Variants in CYB5B observed in about 807,000 individuals in gnomAD.
CYB5B encodes the protein cytochrome b5 type B.
In CYB5B, 14 loss-of-function variants were observed where a neutral mutation model predicts 21.3. The ratio of observed to expected loss-of-function variants is 0.66; its 90% CI spans 0.43 to 1.03. The LOEUF is 1.03. Ranked by LOEUF, CYB5B falls within the 50% of genes least tolerant of loss-of-function variation. CYB5B has a pLI of 0.00. For missense variants in CYB5B, 166 were observed against 185.1 expected (o/e 0.90, Z 0.60); for synonymous variants, 69 against 68.4 (o/e 1.01, Z -0.04).
intron 3 of CYB5B, among the ~76,000 whole-genome samples, chr16:69,455,400 CTTTTTTT>C (rs67183796): frequency 1.6e-5 from 2 of 123,008 alleles, no homozygotes; most frequent in Non-Finnish European, 3.4e-5. Context: ...TTGTTGTTCT[CTTTTTTT>C]TTTTTTTTTT....
chr16:69,447,616 C>G (rs1191252352), intron 2 of CYB5B, among the ~76,000 whole-genome samples: 1 of 140,364 alleles, frequency 7.1e-6, no homozygotes, highest in Non-Finnish European at 1.5e-5. Context: ...GCACTCCAGC[C>G]TGGGTGAAAG....
chr16:69,457,075 TC>T (rs1181939640), intron 3 of CYB5B, among the ~76,000 whole-genome samples: 1 of 152,198 alleles, frequency 6.6e-6, no homozygotes, highest in Non-Finnish European at 1.5e-5. Context: ...GATGGATTGA[TC>T]TTAAAACAGG....
At position 69,448,112 on chromosome 16, in the gene CYB5B, CAG is replaced by C; in HGVS notation, c.304_305del. ...ATATTATTTGTTTTCCTTTTTTTGA[CAG>C]AGTGACCTTAAACCTGAAAGTGGTA... On this transcript the variant is annotated splice_acceptor_variant, in intron 2 of 4. Transcript: ENST00000307892. LOFTEE classifies it high-confidence loss of function. 1.2e-6 allele frequency: 2 copies of C among 1,608,778 alleles called. No homozygotes were observed. Among genetic ancestry groups the C allele is most frequent in the Non-Finnish European group, 8.5e-7 (1 of 1,178,862 alleles).
intron 1 of CYB5B, among the ~76,000 whole-genome samples, chr16:69,437,426 T>C (rs1231274836): frequency 6.6e-6 from 1 of 152,118 alleles, no homozygotes; most frequent in Non-Finnish European, 1.5e-5. Flanking sequence ...TAATAAAAAG[T>C]AGGGAGGAAT....
intron 2 of CYB5B, 119 bp downstream of exon 2, chr16:69,447,397 T>G: frequency 1.5e-6 from 2 of 1,336,212 alleles, no homozygotes; most frequent in Non-Finnish European, 2.0e-6. Flanking sequence ...ATCCCAGTAC[T>G]TTGGGATGCC....
chr16:69,447,259 A>G lies in CYB5B; in HGVS notation c.284A>G (p.Tyr95Cys), dbSNP rs771172165. The change falls in exon 2 of 5, where the codon TAC becomes TGC. Residue 95 changes from tyrosine to cysteine, a missense_variant. Physicochemically the swap from Tyr to Cys is radical, Grantham distance 194. Coordinates refer to ENST00000307892, the MANE Select transcript of CYB5B (RefSeq NM_030579.3). Reference protein sequence around the residue: ...SDAREMLKQYYIGDIHPSDLK... With the variant: ...SDAREMLKQYCIGDIHPSDLK... ...GCCAGAGAAATGCTAAAGCAGTACT[A>G]CATTGGTGATATCCATCCGGTAAGA... The G allele has an allele frequency of 3.1e-6, 5 of 1,613,996 alleles. No individual in the cohort carries two copies. The Admixed American group carries it at 6.7e-5, about 22-fold the overall frequency.
At chr16:69,431,029 TG>T (rs1319579508) in intron 1 of CYB5B, among the ~76,000 whole-genome samples, 1 of 144,362 alleles carries the variant, frequency 6.9e-6, no homozygotes, top group Non-Finnish European at 1.5e-5. Context: ...GATGGAGTCT[TG>T]TTTTGTCGCC....
At position 69,439,314 on chromosome 16, in the gene CYB5B, G is replaced by A. The variant is rs28670518; in HGVS notation, c.175-7836G>A. Among the ~76,000 whole-genome samples, 5 of 152,042 alleles carry A rather than the reference G, an allele frequency of 3.3e-5. No homozygotes were observed. In the South Asian group the frequency reaches 1.0e-3, roughly 32 times the overall value. ...CAACCTCCGCCTCCTGGGTTCAAGC[G>A]ATTCGACTGCCTCAGCCTCCCGAAT... On this transcript the variant is annotated intron_variant, in intron 1 of 4. Transcript: ENST00000307892.
intron 1 of CYB5B, among the ~76,000 whole-genome samples, chr16:69,435,367 T>C (rs2014750127): frequency 1.3e-5 from 2 of 152,226 alleles, no homozygotes; most frequent in African/African-American, 4.8e-5. Flanking sequence ...CTGCAGCATC[T>C]TTTGAGTACC....
chr16:69,441,507 G>A (rs942953033), intron 1 of CYB5B, among the ~76,000 whole-genome samples: 1 of 152,140 alleles, frequency 6.6e-6, no homozygotes, highest in Non-Finnish European at 1.5e-5. Flanking sequence ...TTAATTTGTA[G>A]TCAAGAGTCA....
At position 69,455,003 on chromosome 16, in the gene CYB5B, C is replaced by G. The variant is rs376318700; in HGVS notation, c.334-4090C>G. ...CCGCCTCTTGGGTTCAAGTGATTCT[C>G]CTGCCTCAGCCTCTCAAGTAGCTGG... is the stretch of plus-strand genomic sequence containing the variant. On this transcript the variant is annotated intron_variant, in intron 3 of 4. Coordinates refer to ENST00000307892, the MANE Select transcript of CYB5B (RefSeq NM_030579.3). Among the ~76,000 whole-genome samples, 502 of 152,154 alleles carry G rather than the reference C, an allele frequency of 3.3e-3. 24 individuals carry two copies. In the South Asian group the frequency reaches 0.098, roughly 30 times the overall value.
intron 3 of CYB5B, among the ~76,000 whole-genome samples, chr16:69,458,634 A>G (rs1483161290): frequency 6.6e-6 from 1 of 152,154 alleles, no homozygotes; most frequent in Non-Finnish European, 1.5e-5. Context: ...GTGATCTACA[A>G]GCAATCATCT....
intron 2 of CYB5B, among the ~76,000 whole-genome samples, 155 bp downstream of exon 2, chr16:69,447,433 G>A (rs1285917870): frequency 6.6e-6 from 1 of 152,110 alleles, no homozygotes; most frequent in Admixed American, 6.6e-5. Context: ...CTTGAGGTCA[G>A]GAGTTCGAGA....
chr16:69,424,690 G>A lies in CYB5B; in HGVS notation c.7G>A (p.Gly3Ser), dbSNP rs770614797. ...TTAGCGGTGGAGAGGCAGTATGTCC[G>A]GTTCAATGGCGACTGCGGAAGCTAG... The part of the protein sequence containing the change: MS[G>S]SMATAEASGS... Residue 3 changes from glycine (G) to serine (S), a missense_variant, in exon 1 of 5, where the codon GGT becomes AGT. Physicochemically the swap from Gly to Ser is moderately conservative, Grantham distance 56 (BLOSUM62 0). Transcript: ENST00000307892. 2.5e-6 allele frequency: 4 copies of A among 1,576,566 alleles called. No individual in the cohort carries two copies. Among genetic ancestry groups the A allele is most frequent in the African/African-American group, 1.4e-5 (1 of 73,448 alleles).
chr16:69,458,442 T>C (rs1191816654), intron 3 of CYB5B, among the ~76,000 whole-genome samples: 1 of 152,242 alleles, frequency 6.6e-6, no homozygotes, highest in African/African-American at 2.4e-5. Context: ...CTTAGGATAA[T>C]GCTGTGAAGT....
intron 3 of CYB5B, among the ~76,000 whole-genome samples, chr16:69,457,300 C>G (rs377213547): frequency 1.2e-4 from 18 of 152,026 alleles, no homozygotes; most frequent in African/African-American, 4.3e-4. Flanking sequence ...TTAGAGAATC[C>G]ATTTATATGA....
chr16:69,445,604 G>A (rs898701262), intron 1 of CYB5B, among the ~76,000 whole-genome samples: 1 of 152,066 alleles, frequency 6.6e-6, no homozygotes, highest in African/African-American at 2.4e-5. Flanking sequence ...TTTAAGTCAA[G>A]GACTGTGCTA....
At position 69,426,320 on chromosome 16, in the gene CYB5B, A is replaced by G. The variant is rs146769567; in HGVS notation, c.174+1463A>G. On this transcript the variant is annotated intron_variant, in intron 1 of 4. Coordinates refer to ENST00000307892, the MANE Select transcript of CYB5B (RefSeq NM_030579.3). ...AGGCTGAGGCAGGAGAATGGCGTGA[A>G]CCCGGGAGGTGGCACTTGCAGTGAG... 7.6e-3 allele frequency among the ~76,000 whole-genome samples: 1,138 copies of G among 150,162 alleles called. 13 individuals carry two copies. The highest frequency in any genetic ancestry group is 0.026 in the African/African-American group (1,063 of 40,742).
intron 4 of CYB5B, among the ~76,000 whole-genome samples, chr16:69,462,012 A>G (rs567386223): frequency 9.8e-4 from 149 of 152,330 alleles, no homozygotes; most frequent in African/African-American, 3.4e-3. Context: ...ATTGGGATGG[A>G]TATGTTTTTA....
Sources: gnomAD v4.1 joint callset for allele counts (sites outside exome capture counted in the v4.1 genomes callset) on GRCh38, gnomAD v4.1.1 for gene constraint, MANE v1.5 for transcripts, NCBI Gene and HGNC (gene_info 2026-07-23, HGNC 2026-07-21) for gene names.